The following CA13 variants were observed in gnomAD, a reference collection of about 807,000 sequenced individuals.
The protein encoded by CA13 is CA-XIII.
In CA13, 21 loss-of-function variants were observed where a neutral mutation model predicts 31.5. The observed-to-expected ratio is 0.67, with a 90% CI of 0.47 to 0.96. The LOEUF is 0.96. CA13 is among the 40% of genes least tolerant of loss of function. CA13 has a pLI of 0.00. For synonymous variants in CA13, 117 were observed against 111.4 expected (o/e 1.05, Z -0.32); for missense variants, 315 against 318.9 (o/e 0.99, Z 0.09).
intron 2 of CA13, among the ~76,000 whole-genome samples, chr8:85,252,092 T>C (rs1319259874): frequency 2.6e-5 from 4 of 152,064 alleles, no homozygotes; most frequent in African/African-American, 9.7e-5. Flanking sequence ...AACTTATCTC[T>C]ACAAAAAATA....
intron 1 of CA13, among the ~76,000 whole-genome samples, chr8:85,248,426 C>T (rs1475423232): frequency 2.0e-5 from 3 of 149,414 alleles, no homozygotes; most frequent in East Asian, 2.0e-4. Context: ...CATTGCACTC[C>T]GGCCTGGGCA....
chr8:85,250,706 T>C (rs1813810619), intron 1 of CA13, 34 bp from the exon 2 acceptor site: 4 of 1,370,714 alleles, frequency 2.9e-6, no homozygotes, highest in African/African-American at 1.4e-5. Context: ...AAAGAACTTA[T>C]TTAATCCTTT....
At chr8:85,281,207 C>G (rs995411572) in intron 6 of CA13, 23 bp from the exon 7 acceptor site, 9 of 1,606,902 alleles carry the variant, frequency 5.6e-6, no homozygotes, top group Non-Finnish European at 6.8e-6. Flanking sequence ...TATGCTGAAG[C>G]TAACTCTTTT....
chr8:85,266,800 T>C (rs1807464440), intron 4 of CA13, 97 bp downstream of exon 4: 2 of 854,500 alleles, frequency 2.3e-6, no homozygotes, highest in African/African-American at 3.4e-5. Flanking sequence ...TAATAGTAAA[T>C]TCATTTTAGG....
At chr8:85,276,255 T>C (rs1403907795) in intron 6 of CA13, among the ~76,000 whole-genome samples, 4 of 151,786 alleles carry the variant, frequency 2.6e-5, no homozygotes, top group South Asian at 2.1e-4. Flanking sequence ...GCTGCCTTCC[T>C]CCCCCCGGGG....
At chr8:85,248,524 C>T (rs1265275176) in intron 1 of CA13, among the ~76,000 whole-genome samples, 10 of 150,514 alleles carry the variant, frequency 6.6e-5, no homozygotes, top group Admixed American at 6.6e-4. Context: ...ACTCAAAAGA[C>T]TGAGATGGGA....
chr8:85,253,668 C>T (rs1807234119), intron 2 of CA13, among the ~76,000 whole-genome samples: 2 of 152,260 alleles, frequency 1.3e-5, no homozygotes, highest in African/African-American at 4.8e-5. Context: ...CTTTTATATA[C>T]ATGTTCAACT....
intron 2 of CA13, among the ~76,000 whole-genome samples, chr8:85,251,320 A>G (rs1813824688): frequency 6.6e-6 from 1 of 152,014 alleles, no homozygotes; most frequent in Non-Finnish European, 1.5e-5. Context: ...CTAATCTTTC[A>G]TGTTTTGTTT....
intron 1 of CA13, 41 bp from the exon 2 acceptor site, chr8:85,250,699 G>T (rs750669944): frequency 4.6e-5 from 60 of 1,293,966 alleles, no homozygotes; most frequent in Admixed American, 2.6e-4. Context: ...TTGAAAGAAA[G>T]AACTTATTTA....
Position 85,281,533 on chromosome 8 carries a change from G to C in CA13, c.*184G>C. 7.8e-7 allele frequency: 1 copy of C among 1,290,152 alleles called. No individual in the cohort carries two copies. Among genetic ancestry groups the C allele is most frequent in the Non-Finnish European group, 9.9e-7 (1 of 1,008,020 alleles). 79.9% of individuals were successfully genotyped at this position (1,290,152 alleles called of 1,614,324 possible). A position where few individuals can be genotyped will look rare whatever the true frequency, so the allele number is the denominator to read the frequency against. On this transcript the variant is annotated 3_prime_UTR_variant, in exon 7 of 7. Coordinates refer to ENST00000321764, the MANE Select transcript of CA13 (RefSeq NM_198584.3). ...CTCTTTTTTTTTTATTTTTTTTAGTGATAGAGTCTCACTCTGTCACCCAGG... is the reference window on the plus strand; with the variant it reads ...CTCTTTTTTTTTTATTTTTTTTAGTCATAGAGTCTCACTCTGTCACCCAGG...
chr8:85,276,800 T>G (rs1807617860), intron 6 of CA13, among the ~76,000 whole-genome samples: 1 of 151,880 alleles, frequency 6.6e-6, no homozygotes, highest in Non-Finnish European at 1.5e-5. Context: ...CAGTCGACAC[T>G]CTGTATCTAG....
At chr8:85,272,871 G>T (rs1294258152) in intron 6 of CA13, among the ~76,000 whole-genome samples, 1 of 152,112 alleles carries the variant, frequency 6.6e-6, no homozygotes, top group Non-Finnish European at 1.5e-5. Context: ...AGGCTGGAGT[G>T]CAGTGGTGTG....
At chr8:85,258,984 A>G (rs1325438817) in intron 2 of CA13, among the ~76,000 whole-genome samples, 7 of 152,076 alleles carry the variant, frequency 4.6e-5, no homozygotes, top group Non-Finnish European at 8.8e-5. Context: ...AGGAAAAGAC[A>G]GCATGAGTGT....
intron 6 of CA13, 83 bp from the exon 7 acceptor site, chr8:85,281,147 A>C (rs1807697932): frequency 6.7e-7 from 1 of 1,495,286 alleles, no homozygotes; most frequent in Non-Finnish European, 9.1e-7. Context: ...TCCTGGTTAT[A>C]GATATATCTT....
rs752896137 is a variant in CA13 at position 85,267,953 on chromosome 8, A to T, written c.502A>T (p.Ile168Phe). 1.3e-6 allele frequency: 2 copies of T among 1,580,722 alleles called. No homozygotes were observed. The highest frequency in any genetic ancestry group is 1.7e-5 in the Admixed American group (1 of 58,844). ...AAAGATTACTGACACTTTGGATTCC[A>T]TTAAAGAAAAGGTAAAATGAATTAC... is the stretch of plus-strand genomic sequence containing the variant. Reference protein sequence around the residue: ...LQKITDTLDSIKEKGKQTRFT... With the variant: ...LQKITDTLDSFKEKGKQTRFT... Residue 168 changes from isoleucine (I) to phenylalanine (F), a missense_variant, in exon 5 of 7, where the codon ATT becomes TTT. By Grantham distance (21) the Ile-to-Phe change is conservative. Coordinates refer to ENST00000321764, the MANE Select transcript of CA13 (RefSeq NM_198584.3).
chr8:85,258,934 A>G (rs1470432291), intron 2 of CA13, among the ~76,000 whole-genome samples: 3 of 151,912 alleles, frequency 2.0e-5, no homozygotes, highest in Non-Finnish European at 4.4e-5. Flanking sequence ...CTCAAGGAAA[A>G]AAAAAAAAGA....
chr8:85,282,061 T>G lies in CA13; in HGVS notation c.*712T>G, dbSNP rs1807716677. ...ATCTCAAATGATAGGATTGTGATGC[T>G]TTTTTTGTAACAAGTGATTCTGCTT... On this transcript the variant is annotated 3_prime_UTR_variant, in exon 7 of 7. Coordinates refer to ENST00000321764, the MANE Select transcript of CA13 (RefSeq NM_198584.3). The G allele has an allele frequency of 6.6e-6, 1 of 152,192 alleles. No homozygotes were observed. Among genetic ancestry groups the G allele is most frequent in the Non-Finnish European group, 1.5e-5 (1 of 68,026 alleles). The allele number at this position is 152,192 out of a possible 1,614,324, so 9.4% of individuals were successfully genotyped here.
Position 85,283,646 on chromosome 8 carries a change from C to T in CA13, c.*2297C>T, listed in dbSNP as rs1246021787. 6.6e-6 allele frequency: 1 copy of T among 152,496 alleles called. No individual in the cohort carries two copies. The highest frequency in any genetic ancestry group is 1.5e-5 in the Non-Finnish European group (1 of 68,018). 9.4% of individuals were successfully genotyped at this position (152,496 alleles called of 1,614,324 possible). A position where few individuals can be genotyped will look rare whatever the true frequency, so the allele number is the denominator to read the frequency against. On this transcript the variant is annotated 3_prime_UTR_variant, in exon 7 of 7. Transcript: ENST00000321764. ...AAAGTGTTTCTTTAGTTTGGAAAGA[C>T]CTGTGAAGTATCCTAGTCAGGGAAA... is the stretch of plus-strand genomic sequence containing the variant.
intron 2 of CA13, among the ~76,000 whole-genome samples, chr8:85,258,810 A>G (rs1362439966): frequency 6.7e-6 from 1 of 148,896 alleles, no homozygotes; most frequent in East Asian, 1.9e-4. Flanking sequence ...AGTGGTGCAT[A>G]CCTGTAGTTC....
Sources: allele counts gnomAD v4.1 joint callset (sites outside exome capture counted in the v4.1 genomes callset), GRCh38; gene constraint gnomAD v4.1.1; transcripts MANE v1.5; gene names NCBI Gene and HGNC (gene_info 2026-07-23, HGNC 2026-07-21).